Variants in MARCHF11 observed in about 807,000 individuals in gnomAD.
MARCHF11 encodes the protein E3 ubiquitin-protein ligase MARCHF11.
MARCHF11 carries 29 observed loss-of-function variants against 37.3 expected under a neutral mutation model. The observed-to-expected ratio is 0.78, with a 90% CI of 0.58 to 1.06. The LOEUF (loss-of-function observed/expected upper bound fraction) is 1.06. Ranked by LOEUF, MARCHF11 falls within the 50% of genes least tolerant of loss-of-function variation. The pLI is 0.00. For synonymous variants in MARCHF11, 233 were observed against 228.0 expected (o/e 1.02, Z -0.20); for missense variants, 482 against 533.4 (o/e 0.90, Z 0.95).
At chr5:16,166,256 T>C (rs1738166808) in intron 2 of MARCHF11, among the ~76,000 whole-genome samples, 1 of 152,050 alleles carries the variant, frequency 6.6e-6, no homozygotes, top group Non-Finnish European at 1.5e-5. Context: ...ACTATTTTTT[T>C]AATTGGAGAA....
intron 2 of MARCHF11, among the ~76,000 whole-genome samples, chr5:16,115,699 C>A (rs2126573497): frequency 6.6e-6 from 1 of 151,248 alleles, no homozygotes; most frequent in East Asian, 2.0e-4. Context: ...GCAGTCTTGG[C>A]TCACTGCAAC....
chr5:16,090,206 C>T (rs1736769109), intron 3 of MARCHF11, among the ~76,000 whole-genome samples: 1 of 152,204 alleles, frequency 6.6e-6, no homozygotes, highest in African/African-American at 2.4e-5. Context: ...GCACCTCACA[C>T]ACGCCACATA....
chr5:16,176,869 T>C (rs1738373532), intron 2 of MARCHF11, among the ~76,000 whole-genome samples: 1 of 152,168 alleles, frequency 6.6e-6, no homozygotes, highest in Non-Finnish European at 1.5e-5. Flanking sequence ...TACTCCTTTG[T>C]CTCTGTTTTG....
chr5:16,141,677 T>C (rs1266170782), intron 2 of MARCHF11: 1 of 152,232 alleles, frequency 6.6e-6, no homozygotes, highest in Non-Finnish European at 1.5e-5. Flanking sequence ...CACTGTAATA[T>C]TTTGAAGTAA....
At chr5:16,097,746 T>C (rs1338610338) in intron 2 of MARCHF11, among the ~76,000 whole-genome samples, 1 of 152,172 alleles carries the variant, frequency 6.6e-6, no homozygotes, top group Non-Finnish European at 1.5e-5. Flanking sequence ...TTTCACCAGA[T>C]GTTATAAAGC....
At chr5:16,130,231 G>A (rs1737492254) in intron 2 of MARCHF11, among the ~76,000 whole-genome samples, 1 of 150,460 alleles carries the variant, frequency 6.6e-6, no homozygotes, top group Admixed American at 6.6e-5. Flanking sequence ...CTGATTAAAA[G>A]ACCGTAAATT....
chr5:16,100,913 A>G (rs888527311), intron 2 of MARCHF11, among the ~76,000 whole-genome samples: 1 of 152,228 alleles, frequency 6.6e-6, no homozygotes, highest in Non-Finnish European at 1.5e-5. Context: ...CTACAGGGTA[A>G]GCATCTTACA....
chr5:16,125,977 A>G (rs1737399725), intron 2 of MARCHF11, among the ~76,000 whole-genome samples: 1 of 152,224 alleles, frequency 6.6e-6, no homozygotes, highest in South Asian at 2.1e-4. Context: ...ATTTGTGAAC[A>G]TAACTTCTTG....
chr5:16,099,195 C>T (rs907447951), intron 2 of MARCHF11, among the ~76,000 whole-genome samples: 2 of 152,006 alleles, frequency 1.3e-5, no homozygotes, highest in African/African-American at 4.8e-5. Flanking sequence ...ATCAAATTTC[C>T]AAGAAATACG....
At position 16,067,786 on chromosome 5, in the gene MARCHF11, A is replaced by G. The variant is rs1367103895; in HGVS notation, c.894T>C (p.Ile298=). The change falls in exon 4 of 4, where the codon ATT becomes ATC. Residue 298 remains isoleucine, a synonymous_variant. Transcript: ENST00000332432. ...GFMDLVCIGL[I]VHEGAAVYRV... is the part of the protein sequence containing the mutation. ...TGTAAACTGCAGCTCCTTCATGAAC[A>G]ATGAGACCTAAAATTTGAGAAAATA... is the stretch of plus-strand genomic sequence containing the variant. The G allele has an allele frequency of 6.2e-7, 1 of 1,605,040 alleles. No individual in the cohort carries two copies. Among genetic ancestry groups the G allele is most frequent in the East Asian group, 2.2e-5 (1 of 44,746 alleles).
At chr5:16,167,551 G>A (rs1309382361) in intron 2 of MARCHF11, among the ~76,000 whole-genome samples, 1 of 152,042 alleles carries the variant, frequency 6.6e-6, no homozygotes, top group Non-Finnish European at 1.5e-5. Flanking sequence ...GCTTTCGAGT[G>A]TGCTTTATCG....
At chr5:16,166,620 G>A (rs1197752031) in intron 2 of MARCHF11, among the ~76,000 whole-genome samples, 1 of 151,684 alleles carries the variant, frequency 6.6e-6, no homozygotes, top group Non-Finnish European at 1.5e-5. Context: ...TCATAGATAT[G>A]TAAATTTCTA....
chr5:16,103,998 T>C (rs993452364), intron 2 of MARCHF11, among the ~76,000 whole-genome samples: 3 of 152,118 alleles, frequency 2.0e-5, no homozygotes, highest in African/African-American at 7.2e-5. Flanking sequence ...TTTCGGACCA[T>C]AAAATTGTGA....
At chr5:16,173,383 C>T (rs1474751710) in intron 2 of MARCHF11, among the ~76,000 whole-genome samples, 2 of 152,170 alleles carry the variant, frequency 1.3e-5, no homozygotes, top group Non-Finnish European at 2.9e-5. Flanking sequence ...AGTATGGCTG[C>T]CTGACCTTGA....
At chr5:16,121,069 G>GT (rs1252082191) in intron 2 of MARCHF11, among the ~76,000 whole-genome samples, 1 of 152,162 alleles carries the variant, frequency 6.6e-6, no homozygotes, top group Non-Finnish European at 1.5e-5. Flanking sequence ...CTTCCTTACT[G>GT]TTAAATAAAT....
intron 2 of MARCHF11, among the ~76,000 whole-genome samples, chr5:16,133,868 T>C (rs1331206568): frequency 6.6e-6 from 1 of 152,252 alleles, no homozygotes; most frequent in East Asian, 1.9e-4. Flanking sequence ...TATTCAAAGC[T>C]GCTCTGGGCT....
chr5:16,097,313 A>G (rs1736888093), intron 2 of MARCHF11, among the ~76,000 whole-genome samples: 1 of 152,224 alleles, frequency 6.6e-6, no homozygotes, highest in Non-Finnish European at 1.5e-5. Flanking sequence ...GCATATTAAA[A>G]GTGATTTTCA....
chr5:16,143,296 G>A (rs1374774793), intron 2 of MARCHF11, among the ~76,000 whole-genome samples: 1 of 152,240 alleles, frequency 6.6e-6, no homozygotes, highest in East Asian at 1.9e-4. Flanking sequence ...TGTGGGAAAG[G>A]ACAGTTGACA....
intron 2 of MARCHF11, among the ~76,000 whole-genome samples, chr5:16,144,744 A>G (rs2126593986): frequency 6.6e-6 from 1 of 152,362 alleles, no homozygotes; most frequent in South Asian, 2.1e-4. Context: ...ATATCACTTC[A>G]CAGTGCAAAC....
Sources: allele counts gnomAD v4.1 joint callset (sites outside exome capture counted in the v4.1 genomes callset), GRCh38; gene constraint gnomAD v4.1.1; transcripts MANE v1.5; gene names NCBI Gene and HGNC (gene_info 2026-07-23, HGNC 2026-07-21).